The following ABLIM1 variants were observed in gnomAD, a reference collection of about 807,000 sequenced individuals.
ABLIM1 encodes actin-binding LIM protein 1.
ABLIM1 carries 40 observed loss-of-function variants against 107.0 expected under a neutral mutation model. The ratio of observed to expected loss-of-function variants is 0.37; its 90% CI spans 0.29 to 0.49. The LOEUF is 0.49. Among genes scored for constraint, ABLIM1 ranks in the 20% least tolerant of loss-of-function variants. The pLI, the probability that ABLIM1 is intolerant of heterozygous loss-of-function variation, is 0.97. For synonymous variants in ABLIM1, 357 were observed against 357.3 expected, an observed-to-expected ratio of 1.00 and a Z score of 0.01; for missense variants, 857 against 1,008.5, an observed-to-expected ratio of 0.85 and a Z score of 2.04.
At chr10:114,485,921 T>C (rs1032671497) in intron 8 of ABLIM1, among the ~76,000 whole-genome samples, 2 of 152,238 alleles carry the variant, frequency 1.3e-5, no homozygotes, top group African/African-American at 4.8e-5. Flanking sequence ...ACGTATTCCC[T>C]TTAAACCCTA....
rs181029402 is a variant in ABLIM1 at position 114,681,442 on chromosome 10, G to A, written c.64+2848C>T. Among the ~76,000 whole-genome samples, 292 of 152,228 alleles carry A rather than the reference G, an allele frequency of 1.9e-3. 4 individuals are homozygous for A. Among genetic ancestry groups the A allele is most frequent in the Admixed American group, 0.016 (244 of 15,288 alleles). On this transcript the variant is annotated intron_variant, in intron 1 of 23. Transcript: ENST00000369256. ...ACTTCTGACCTCAAGTGATCTGCCCGCCTCAGCCTCCCAAAGTGCTGGGAT... is the reference window on the plus strand; with the variant it reads ...ACTTCTGACCTCAAGTGATCTGCCCACCTCAGCCTCCCAAAGTGCTGGGAT...
At chr10:114,771,869 C>G (rs1446154215), upstream of ABLIM1, among the ~76,000 whole-genome samples, 1 of 152,046 alleles carries the variant, frequency 6.6e-6, no homozygotes, top group African/African-American at 2.4e-5. Context: ...TTGACTCTTG[C>G]CAAAAATGCT....
intron 21 of ABLIM1, 113 bp downstream of exon 21, chr10:114,439,063 T>G: frequency 7.8e-7 from 1 of 1,286,772 alleles, no homozygotes; most frequent in Non-Finnish European, 1.1e-6. Context: ...ATGACATGGC[T>G]CACCTGAACA....
Position 114,589,171 on chromosome 10 carries a change from T to G in ABLIM1, c.379+12656A>C, listed in dbSNP as rs535923760. On this transcript the variant is annotated intron_variant, in intron 2 of 22. Coordinates refer to ENST00000533213, the MANE Select transcript of ABLIM1 (RefSeq NM_002313.7). Reference sequence around the variant, plus strand: ...AAGGATATTAAAAAAGAAAATTTTTTGTATAGCTGTACGATGCGTGTGTGT... The same window carrying G: ...AAGGATATTAAAAAAGAAAATTTTTGGTATAGCTGTACGATGCGTGTGTGT... Among the ~76,000 whole-genome samples, 5 of 151,712 alleles carry G rather than the reference T, an allele frequency of 3.3e-5. No homozygotes were observed. The South Asian group carries it at 8.3e-4, about 25-fold the overall frequency.
At chr10:114,538,289 T>C (rs748054638) in intron 6 of ABLIM1, among the ~76,000 whole-genome samples, 2 of 152,170 alleles carry the variant, frequency 1.3e-5, no homozygotes, top group African/African-American at 2.4e-5. Context: ...CTGAATCCCA[T>C]TGTGATTCCA....
At chr10:114,475,680 C>T (rs2056253109) in intron 8 of ABLIM1, among the ~76,000 whole-genome samples, 1 of 152,120 alleles carries the variant, frequency 6.6e-6, no homozygotes, top group African/African-American at 2.4e-5. Context: ...GTGGGTCGGC[C>T]TTTGGGAAGG....
At chr10:114,625,466 A>G (rs2077730639) in intron 1 of ABLIM1, among the ~76,000 whole-genome samples, 1 of 152,200 alleles carries the variant, frequency 6.6e-6, no homozygotes, top group South Asian at 2.1e-4. Context: ...ACTGCATATG[A>G]AGTCCAATAC....
chr10:114,654,799 G>A (rs1429804834), intron 1 of ABLIM1, among the ~76,000 whole-genome samples: 1 of 152,214 alleles, frequency 6.6e-6, no homozygotes, highest in Non-Finnish European at 1.5e-5. Context: ...GTGATCCTCT[G>A]CATCTCTCCC....
chr10:114,530,939 AT>A (rs2065386471), intron 6 of ABLIM1, among the ~76,000 whole-genome samples: 1 of 152,242 alleles, frequency 6.6e-6, no homozygotes, highest in Admixed American at 6.5e-5. Context: ...CACGGGAAAA[AT>A]AATCATTTAT....
At chr10:114,705,764 A>G (rs1320459481) in intron 1 of ABLIM1, among the ~76,000 whole-genome samples, 2 of 152,250 alleles carry the variant, frequency 1.3e-5, no homozygotes, top group Admixed American at 6.5e-5. Flanking sequence ...GTTATGTAAG[A>G]TATTTTCATC....
At chr10:114,492,900 C>A (rs1194897723) in intron 6 of ABLIM1, among the ~76,000 whole-genome samples, 1 of 152,098 alleles carries the variant, frequency 6.6e-6, no homozygotes, top group East Asian at 1.9e-4. Context: ...ACTTAGCAAC[C>A]AGCACGTGAG....
intron 1 of ABLIM1, chr10:114,631,942 G>A: frequency 7.7e-7 from 1 of 1,304,290 alleles, no homozygotes; most frequent in Non-Finnish European, 1.0e-6. Flanking sequence ...CCGACGAGCA[G>A]GACTGAAGAA....
At chr10:114,706,628 A>G (rs1384089494) in intron 1 of ABLIM1, among the ~76,000 whole-genome samples, 2 of 152,216 alleles carry the variant, frequency 1.3e-5, no homozygotes, top group African/African-American at 2.4e-5. Context: ...CTCCACACCA[A>G]TGTAATGAAG....
rs764511132 is a variant in ABLIM1 at position 114,448,024 on chromosome 10, C to G, written c.1595-4G>C. Reference sequence around the variant, plus strand: ...TTGCTCTGGGCTGCCAAGGCAGCTGCATCTAGATGGGAATCAGGGGTTGCT... The same window carrying G: ...TTGCTCTGGGCTGCCAAGGCAGCTGGATCTAGATGGGAATCAGGGGTTGCT... On this transcript the variant is annotated splice_polypyrimidine_tract_variant and splice_region_variant and intron_variant, in intron 14 of 22. Transcript: ENST00000533213. 1 of 1,613,970 alleles carries G rather than the reference C, an allele frequency of 6.2e-7. No homozygotes were observed. The highest frequency in any genetic ancestry group is 2.2e-5 in the East Asian group (1 of 44,896).
intron 1 of ABLIM1, among the ~76,000 whole-genome samples, chr10:114,742,602 G>A (rs151289885): frequency 9.9e-5 from 15 of 152,204 alleles, no homozygotes; most frequent in Middle Eastern, 3.4e-3. Context: ...TTAGTGTGCC[G>A]CAGTTTTCTC....
intron 1 of ABLIM1, among the ~76,000 whole-genome samples, chr10:114,611,601 T>C (rs914551896): frequency 5.3e-5 from 8 of 152,212 alleles, no homozygotes; most frequent in Admixed American, 4.6e-4. Context: ...CTCCTGATTA[T>C]AGAAACAGCT....
At chr10:114,649,090 C>G (rs1359240683) in intron 1 of ABLIM1, among the ~76,000 whole-genome samples, 1 of 152,082 alleles carries the variant, frequency 6.6e-6, no homozygotes, top group East Asian at 1.9e-4. Context: ...ACCTCAGTCT[C>G]TTACTTCCTA....
intron 6 of ABLIM1, among the ~76,000 whole-genome samples, chr10:114,527,979 A>G (rs2065029580): frequency 1.3e-5 from 2 of 152,086 alleles, no homozygotes; most frequent in Admixed American, 1.3e-4. Context: ...CTGGGACTAC[A>G]GGTATGCACC....
intron 1 of ABLIM1, among the ~76,000 whole-genome samples, chr10:114,665,126 A>G (rs2079971337): frequency 6.6e-6 from 1 of 152,118 alleles, no homozygotes; most frequent in African/African-American, 2.4e-5. Flanking sequence ...CAAAAAAAAA[A>G]AAAAGTTCCA....
Sources: allele counts gnomAD v4.1 joint callset (sites outside exome capture counted in the v4.1 genomes callset), GRCh38; gene constraint gnomAD v4.1.1; transcripts MANE v1.5; gene names NCBI Gene and HGNC (gene_info 2026-07-23, HGNC 2026-07-21).